The following NUMA1 variants were observed in gnomAD, a reference collection of about 807,000 sequenced individuals.
NUMA1 encodes the protein nuclear mitotic apparatus protein 1.
Under a neutral mutation model 237.1 loss-of-function variants are expected in NUMA1, and 62 were observed. That is an observed-to-expected ratio of 0.26 (90% CI 0.21 to 0.32). NUMA1 has a LOEUF of 0.32. Among genes scored for constraint, NUMA1 ranks in the 10% least tolerant of loss-of-function variants. The probability of loss-of-function intolerance (pLI) is 1.00; values close to 1 mark genes in which losing one functional copy is unlikely to be tolerated. For synonymous variants in NUMA1, 1,028 were observed against 1,066.1 expected, an observed-to-expected ratio of 0.96 and a Z score of 0.70; for missense variants, 2,533 against 2,666.5, an observed-to-expected ratio of 0.95 and a Z score of 1.10.
chr11:72,007,675 C>T (rs754040131), intron 20 of NUMA1: 11 of 565,754 alleles, frequency 1.9e-5, no homozygotes, highest in Non-Finnish European at 3.1e-5. Flanking sequence ...GATGTCCCAT[C>T]CCCACCAGAT....
At chr11:72,007,539 A>C in intron 20 of NUMA1, 104 bp from the exon 21 acceptor site, 2 of 1,385,626 alleles carry the variant, frequency 1.4e-6, no homozygotes, top group African/African-American at 2.9e-5. Flanking sequence ...CAAGCAGATG[A>C]GGTCAAGCAG....
chr11:72,006,510 T>C (rs942782351), intron 21 of NUMA1, among the ~76,000 whole-genome samples: 4 of 152,140 alleles, frequency 2.6e-5, no homozygotes, highest in African/African-American at 7.2e-5. Context: ...TGCTTTGAGG[T>C]AGGGAATGCA....
At chr11:72,065,519 T>C (rs1185654332) in intron 2 of NUMA1, 1 of 152,000 alleles carries the variant, frequency 6.6e-6, no homozygotes, top group East Asian at 1.9e-4. Flanking sequence ...AAACCAGAAA[T>C]ATACAAGCAC....
At chr11:72,029,151 C>T in intron 4 of NUMA1, 54 bp downstream of exon 4, 2 of 1,310,920 alleles carry the variant, frequency 1.5e-6, no homozygotes, top group Non-Finnish European at 2.2e-6. Context: ...ACAGCCCCCA[C>T]CCCAGCAATC....
At chr11:72,008,584 C>G (rs753326794) in intron 20 of NUMA1, 104 bp downstream of exon 20, 1 of 1,309,826 alleles carries the variant, frequency 7.6e-7, no homozygotes, top group Non-Finnish European at 1.1e-6. Flanking sequence ...TTATTCTTCT[C>G]TAAGAATAAA....
rs1168421845 is a variant in NUMA1, at chr11:72,023,134, A to T, written c.222T>A (p.His74Gln). 1 of 1,613,280 alleles carries T rather than the reference A, an allele frequency of 6.2e-7. No individual in the cohort carries two copies. Among genetic ancestry groups the T allele is most frequent in the Non-Finnish European group, 8.5e-7 (1 of 1,179,616 alleles). Residue 74 changes from histidine to glutamine, a missense_variant, in exon 6 of 27, where the codon CAT becomes CAA. Coordinates refer to ENST00000393695, the MANE Select transcript of NUMA1 (RefSeq NM_006185.4). ...VCSFLQKNRK[H>Q]PSSPECLVSA... ...ATACCAGGCATTCTGGGGAAGAGGG[A>T]TGTTTTCGATTTTCTGCAATGACAA...
Position 72,012,501 on chromosome 11 carries a change from C to G in NUMA1, c.4609-59G>C, listed in dbSNP as rs1005603914. ...GAGATGAGGCCAAAGAAGCACCAGCCCTGCTGCCAGGCTGACCTCACTGAG... is the reference window on the plus strand; with the variant it reads ...GAGATGAGGCCAAAGAAGCACCAGCGCTGCTGCCAGGCTGACCTCACTGAG... On this transcript the variant is annotated intron_variant, in intron 15 of 26. Transcript: ENST00000393695. 2.0e-6 allele frequency: 3 copies of G among 1,529,356 alleles called. No individual in the cohort carries two copies. In the African/African-American group the frequency reaches 4.1e-5, roughly 21 times the overall value. The allele number at this position is 1,529,356 out of a possible 1,614,324, so 94.7% of individuals were successfully genotyped here. A position where few individuals can be genotyped will look rare whatever the true frequency, so the allele number is the denominator to read the frequency against.
chr11:72,015,821 T>G lies in NUMA1; in HGVS notation c.1682A>C (p.Lys561Thr), dbSNP rs1956492127. ...CTCCTTCAACTGCTGCTCCTTCTGC[T>G]TCAGGCTACTGCTTAGCTGCTCCAC... ...HQVEQLSSSL[K>T]QKEQQLKEVA... Residue 561 changes from lysine to threonine, a missense_variant, in exon 15 of 27, where the codon AAG (lysine) becomes ACG (threonine). Transcript: ENST00000393695. This position sits in a 1 kb window ranked among gnomAD's most constrained non-coding sequence, Gnocchi z 4.0. The G allele has an allele frequency of 6.2e-7, 1 of 1,614,134 alleles. No homozygotes were observed. Among genetic ancestry groups the G allele is most frequent in the Non-Finnish European group, 8.5e-7 (1 of 1,180,056 alleles).
chr11:72,019,771 A>G (rs929994124), intron 8 of NUMA1, among the ~76,000 whole-genome samples, 154 bp from the exon 9 acceptor site: 7 of 152,350 alleles, frequency 4.6e-5, no homozygotes, highest in African/African-American at 1.4e-4. Flanking sequence ...GCAGAACCTG[A>G]AACCTGGTGC....
At chr11:72,016,713 C>T (rs1937828074) in intron 13 of NUMA1, 183 bp from the exon 14 acceptor site, 2 of 670,524 alleles carry the variant, frequency 3.0e-6, no homozygotes. Context: ...ATTCTCTAGA[C>T]CTAGTTCTAA....
intron 13 of NUMA1, 31 bp downstream of exon 13, chr11:72,017,656 G>T (rs1424601473): frequency 6.2e-7 from 1 of 1,611,280 alleles, no homozygotes; most frequent in South Asian, 1.1e-5. Flanking sequence ...ATGTGGTCAA[G>T]ACTGTGGCTG....
Position 72,015,037 on chromosome 11 carries a change from T to C in NUMA1, c.2466A>G (p.Gln822=), listed in dbSNP as rs1396203071. The change falls in exon 15 of 27, where the codon CAA becomes CAG. Residue 822 remains glutamine, a synonymous_variant. Transcript: ENST00000393695. This position sits in a 1 kb window ranked among gnomAD's most constrained non-coding sequence, Gnocchi z 4.0. ...ACATGGCGCCATACTGTGCCTCCTC[T>C]TGCTGGCTATCCTCATACCGCTCAC... ...AWRERYEDSQ[Q]EEAQYGAMFQ... is the part of the protein sequence containing the mutation. 6.2e-7 allele frequency: 1 copy of C among 1,614,150 alleles called. No individual in the cohort carries two copies. The highest frequency in any genetic ancestry group is 1.1e-5 in the South Asian group (1 of 91,086).
At chr11:72,047,532 G>GAGT (rs1942071563) in intron 2 of NUMA1, among the ~76,000 whole-genome samples, 2 of 152,012 alleles carry the variant, frequency 1.3e-5, no homozygotes, top group Non-Finnish European at 2.9e-5. Context: ...GAGAGTTCAA[G>GAGT]TCCCCAGTCA....
In NUMA1 at chr11:72,003,958, G is replaced by C. The variant is rs748913888; in HGVS notation, c.6265C>G (p.Arg2089Gly). 3.1e-6 allele frequency: 5 copies of C among 1,613,422 alleles called. No homozygotes were observed. Among genetic ancestry groups the C allele is most frequent in the Non-Finnish European group, 3.4e-6 (4 of 1,179,700 alleles). Reference sequence around the variant, plus strand: ...GCGCTGGCTGTGGTGGTGGCAATGCGCGGAGAACGGCGGGTTCCACTGCGA... The same window carrying C: ...GCGCTGGCTGTGGTGGTGGCAATGCCCGGAGAACGGCGGGTTCCACTGCGA... Reference protein sequence around the residue: ...NTRSGTRRSPRIATTTASAAT... With the variant: ...NTRSGTRRSPGIATTTASAAT... Residue 2089 changes from arginine to glycine, a missense_variant, in exon 26 of 27, where the codon CGC becomes GGC. Around this residue, in one of 3 missense-constraint regions of NUMA1, gnomAD observed 795 missense variants for 750.8 expected, o/e 1.06. Coordinates refer to ENST00000393695, the MANE Select transcript of NUMA1 (RefSeq NM_006185.4).
At chr11:72,062,071 T>C (rs1942973708) in intron 2 of NUMA1, among the ~76,000 whole-genome samples, 1 of 152,106 alleles carries the variant, frequency 6.6e-6, no homozygotes, top group Admixed American at 6.5e-5. Context: ...GGAAGGCCAA[T>C]TCTCCCCTCT....
At chr11:72,045,532 C>CA (rs1941947424) in intron 2 of NUMA1, among the ~76,000 whole-genome samples, 1 of 152,192 alleles carries the variant, frequency 6.6e-6, no homozygotes, top group Non-Finnish European at 1.5e-5. Flanking sequence ...GGCTTGAGTG[C>CA]AAGTGGCACA....
In NUMA1 at chr11:72,009,158, C is replaced by G; in HGVS notation, c.4867G>C (p.Ala1623Pro). The G allele has an allele frequency of 7.4e-7, 1 of 1,342,306 alleles. No homozygotes were observed. The highest frequency in any genetic ancestry group is 9.8e-7 in the Non-Finnish European group (1 of 1,021,828). The allele number at this position is 1,342,306 out of a possible 1,614,324, so 83.1% of individuals were successfully genotyped here. The change falls in exon 19 of 27, where the codon GCC becomes CCC. Residue 1623 changes from alanine to proline, a missense_variant. Ala to Pro is a conservative substitution (Grantham distance 27, BLOSUM62 -1). Around this residue, in one of 3 missense-constraint regions of NUMA1, gnomAD observed 795 missense variants for 750.8 expected, o/e 1.06. Coordinates refer to ENST00000393695, the MANE Select transcript of NUMA1 (RefSeq NM_006185.4). The stretch of plus-strand genomic sequence containing the variant: ...AGCTCTTGGTTCTGCTGCTTCTTGG[C>G]ATCATAATGTGTTTTGGCTTTCTCC... Reference protein sequence around the residue: ...QMEKAKTHYDAKKQQNQELQE... With the variant: ...QMEKAKTHYDPKKQQNQELQE...
chr11:72,037,703 C>T (rs1340381257), intron 2 of NUMA1, among the ~76,000 whole-genome samples: 1 of 152,046 alleles, frequency 6.6e-6, no homozygotes, highest in Non-Finnish European at 1.5e-5. Flanking sequence ...GCTTCCTGAC[C>T]CTGCAACATC....
chr11:72,075,213 C>A (rs1443441620), intron 1 of NUMA1, among the ~76,000 whole-genome samples: 1 of 152,068 alleles, frequency 6.6e-6, no homozygotes, highest in African/African-American at 2.4e-5. Flanking sequence ...CCAAATCTAC[C>A]CTGTTATGCT....
Sources: gnomAD v4.1 joint callset for allele counts (sites outside exome capture counted in the v4.1 genomes callset) on GRCh38, gnomAD v4.1.1 for gene constraint, gnomAD v4.1.1 regional missense constraint, Gnocchi (gnomAD v3.1) non-coding constraint, MANE v1.5 for transcripts, NCBI Gene and HGNC (gene_info 2026-07-23, HGNC 2026-07-21) for gene names.